Variants in TMEM132D observed in about 807,000 individuals in gnomAD.
TMEM132D encodes transmembrane protein 132D.
In TMEM132D, 21 loss-of-function variants were observed where a neutral mutation model predicts 62.3. The ratio of observed to expected loss-of-function variants is 0.34; its 90% CI spans 0.24 to 0.49. The LOEUF is 0.49. TMEM132D is among the 20% of genes least tolerant of loss of function. TMEM132D has a pLI of 0.99. For synonymous variants in TMEM132D, 621 were observed against 575.6 expected (o/e 1.08, Z -1.13); for missense variants, 1,346 against 1,402.8 (o/e 0.96, Z 0.65).
At chr12:129,701,527 C>T (rs1423354365) in intron 1 of TMEM132D, among the ~76,000 whole-genome samples, 2 of 152,234 alleles carry the variant, frequency 1.3e-5, no homozygotes, top group Non-Finnish European at 2.9e-5. Flanking sequence ...ATGCCAGCCA[C>T]ATCCTGTGGA....
At chr12:129,683,464 T>G (rs773019408) in intron 2 of TMEM132D, among the ~76,000 whole-genome samples, 44 of 152,360 alleles carry the variant, frequency 2.9e-4, no homozygotes, top group Non-Finnish European at 5.6e-4. Context: ...GCTATCATTA[T>G]TGCATTGAGC....
At chr12:129,413,503 T>A (rs918647548) in intron 3 of TMEM132D, among the ~76,000 whole-genome samples, 1 of 146,124 alleles carries the variant, frequency 6.8e-6, no homozygotes, top group Non-Finnish European at 1.5e-5. Context: ...ATAAGTGACG[T>A]CATTTCCAAC....
chr12:129,336,557 C>T (rs1012332162), intron 4 of TMEM132D, among the ~76,000 whole-genome samples: 3 of 150,912 alleles, frequency 2.0e-5, no homozygotes, highest in African/African-American at 4.9e-5. Context: ...GGGCAACAGA[C>T]TGGCACTCCG....
At chr12:129,105,882 A>G (rs1167824008) in intron 5 of TMEM132D, among the ~76,000 whole-genome samples, 1,524 of 147,664 alleles carry the variant, frequency 0.01, 24 homozygotes, top group African/African-American at 0.039. Flanking sequence ...ATCTAGAACT[A>G]GAAATACCAT....
chr12:129,162,833 T>G (rs144401520), intron 5 of TMEM132D, among the ~76,000 whole-genome samples: 223 of 152,322 alleles, frequency 1.5e-3, no homozygotes, highest in African/African-American at 5.1e-3. Flanking sequence ...CCTGTTTCTT[T>G]ATAAATTACC....
At position 129,753,375 on chromosome 12, in the gene TMEM132D, C is replaced by G. The variant is rs993480666; in HGVS notation, c.80-52677G>C. ...CCAACGGCTCTTGCATTATTCAGAT[C>G]TAAAAGAAATCAGAAAGTATCTTTT... On this transcript the variant is annotated intron_variant, in intron 1 of 8. Coordinates refer to ENST00000422113, the MANE Select transcript of TMEM132D (RefSeq NM_133448.3). 2.0e-5 allele frequency among the ~76,000 whole-genome samples: 3 copies of G among 152,178 alleles called. No homozygotes were observed. The East Asian group carries it at 5.8e-4, about 29-fold the overall frequency.
intron 3 of TMEM132D, among the ~76,000 whole-genome samples, chr12:129,434,137 T>C (rs549704949): frequency 3.9e-5 from 6 of 152,270 alleles, no homozygotes; most frequent in African/African-American, 1.4e-4. Context: ...GTGAGCGACC[T>C]GTAGGAGGAA....
intron 5 of TMEM132D, among the ~76,000 whole-genome samples, chr12:129,185,170 A>T (rs1878187026): frequency 6.6e-6 from 1 of 152,220 alleles, no homozygotes; most frequent in South Asian, 2.1e-4. Flanking sequence ...AAGATCCTGG[A>T]GACCATCTGT....
At chr12:129,597,577 T>A (rs548794374) in intron 2 of TMEM132D, among the ~76,000 whole-genome samples, 3 of 151,752 alleles carry the variant, frequency 2.0e-5, no homozygotes, top group South Asian at 4.2e-4. Flanking sequence ...GAATCCATCA[T>A]ATAAGCATGT....
chr12:129,358,582 G>A (rs546537277), intron 3 of TMEM132D, among the ~76,000 whole-genome samples: 1 of 152,210 alleles, frequency 6.6e-6, no homozygotes, highest in Non-Finnish European at 1.5e-5. Context: ...AGAGCATACA[G>A]TCTGTAGGGG....
At chr12:129,316,560 C>A (rs370344918) in intron 4 of TMEM132D, among the ~76,000 whole-genome samples, 1 of 152,042 alleles carries the variant, frequency 6.6e-6, no homozygotes, top group African/African-American at 2.4e-5. Context: ...CATTTTTATG[C>A]CCTATGATAT....
In TMEM132D at chr12:129,471,603, C is replaced by A. The variant is rs142925838; in HGVS notation, c.1115+59456G>T. 1.3e-3 allele frequency among the ~76,000 whole-genome samples: 205 copies of A among 152,298 alleles called. 4 individuals are homozygous for A. The East Asian group carries it at 0.036, about 26-fold the overall frequency. On this transcript the variant is annotated intron_variant, in intron 3 of 8. Coordinates refer to ENST00000422113, the MANE Select transcript of TMEM132D (RefSeq NM_133448.3). ...TCTAAGTGTTCCAGGGAAAGGAAGG[C>A]TCCTCCATCTTTTACTTTAAATCAA...
intron 1 of TMEM132D, among the ~76,000 whole-genome samples, chr12:129,737,287 A>T (rs1196212073): frequency 6.6e-6 from 1 of 152,214 alleles, no homozygotes; most frequent in African/African-American, 2.4e-5. Context: ...GGCATTGCCA[A>T]GTAACAATCT....
At chr12:129,470,357 G>C (rs1874057242) in intron 3 of TMEM132D, among the ~76,000 whole-genome samples, 1 of 152,142 alleles carries the variant, frequency 6.6e-6, no homozygotes, top group South Asian at 2.1e-4. Context: ...AGTTATGTTA[G>C]GCAACTGAGG....
At chr12:129,512,507 T>G (rs1162384321) in intron 3 of TMEM132D, among the ~76,000 whole-genome samples, 1 of 152,188 alleles carries the variant, frequency 6.6e-6, no homozygotes, top group Non-Finnish European at 1.5e-5. Context: ...TTCTAAGTCA[T>G]AAACCCAGCA....
At chr12:129,621,838 G>T (rs1045260321) in intron 2 of TMEM132D, among the ~76,000 whole-genome samples, 1 of 152,116 alleles carries the variant, frequency 6.6e-6, no homozygotes, top group African/African-American at 2.4e-5. Context: ...AGGTGGTCTG[G>T]GACTAGAGCC....
At chr12:129,896,406 C>CCATCTGTTTT (rs1875135166) in intron 1 of TMEM132D, among the ~76,000 whole-genome samples, 1 of 152,174 alleles carries the variant, frequency 6.6e-6, no homozygotes, top group Non-Finnish European at 1.5e-5. Context: ...GGCAATGTCG[C>CCATCTGTTTT]CATCTGTTTT....
intron 5 of TMEM132D, among the ~76,000 whole-genome samples, chr12:129,207,186 A>G (rs1189366888): frequency 1.3e-5 from 2 of 151,426 alleles, no homozygotes; most frequent in African/African-American, 4.9e-5. Flanking sequence ...AGCAGCAAAC[A>G]AAGTGGACCC....
chr12:129,295,078 C>T (rs1881535079), intron 4 of TMEM132D, among the ~76,000 whole-genome samples: 1 of 152,142 alleles, frequency 6.6e-6, no homozygotes, highest in Non-Finnish European at 1.5e-5. Context: ...CAGTCGAAGG[C>T]TTACATAGAA....
Sources: allele counts gnomAD v4.1 joint callset (sites outside exome capture counted in the v4.1 genomes callset), GRCh38; gene constraint gnomAD v4.1.1; transcripts MANE v1.5; gene names NCBI Gene and HGNC (gene_info 2026-07-23, HGNC 2026-07-21).